The following TTC28 variants were observed in gnomAD, a reference collection of about 807,000 sequenced individuals.
The protein encoded by TTC28 is tetratricopeptide repeat protein 28.
Under a neutral mutation model 198.0 loss-of-function variants are expected in TTC28, and 61 were observed. That is an observed-to-expected ratio of 0.31 (90% CI 0.25 to 0.38). The LOEUF (loss-of-function observed/expected upper bound fraction) is 0.38, where lower values mean the gene tolerates loss of function less well. TTC28 is among the 10% of genes least tolerant of loss of function. The probability of loss-of-function intolerance (pLI) is 1.00; values close to 1 mark genes in which losing one functional copy is unlikely to be tolerated. For synonymous variants in TTC28, 1,171 were observed against 1,297.8 expected (o/e 0.90, Z 2.10); for missense variants, 2,678 against 3,164.0 (o/e 0.85, Z 3.69).
At chr22:28,618,332 G>A (rs2146175447) in intron 2 of TTC28, among the ~76,000 whole-genome samples, 1 of 152,112 alleles carries the variant, frequency 6.6e-6, no homozygotes, top group Middle Eastern at 3.4e-3. Context: ...GTTTTGGAGT[G>A]ATTTTTTATA....
chr22:28,264,274 T>C (rs1931532142), intron 5 of TTC28, among the ~76,000 whole-genome samples: 1 of 152,152 alleles, frequency 6.6e-6, no homozygotes, highest in Non-Finnish European at 1.5e-5. Flanking sequence ...CCTGCTGCCA[T>C]GTAAGACATG....
chr22:28,297,178 G>A (rs1440741400), intron 4 of TTC28, among the ~76,000 whole-genome samples: 2 of 152,106 alleles, frequency 1.3e-5, no homozygotes, highest in African/African-American at 2.4e-5. Context: ...CTAAAACAGA[G>A]AATGTTCTAG....
At chr22:28,673,318 G>A (rs564330056) in intron 1 of TTC28, among the ~76,000 whole-genome samples, 4 of 152,118 alleles carry the variant, frequency 2.6e-5, no homozygotes, top group Non-Finnish European at 5.9e-5. Flanking sequence ...AGCTTGCAGT[G>A]AGCAGAGATC....
chr22:28,565,104 C>T (rs772617978), intron 2 of TTC28, among the ~76,000 whole-genome samples: 10 of 151,748 alleles, frequency 6.6e-5, no homozygotes, highest in Non-Finnish European at 1.2e-4. Flanking sequence ...CATTCACATA[C>T]AGTACAGTTC....
intron 2 of TTC28, among the ~76,000 whole-genome samples, chr22:28,575,396 G>A (rs952866065): frequency 6.6e-6 from 1 of 151,836 alleles, no homozygotes; most frequent in Admixed American, 6.6e-5. Context: ...TTGTTTTTAG[G>A]CCAGTACCAT....
At chr22:28,098,806 C>A (rs1422342639) in intron 10 of TTC28, 109 bp downstream of exon 10, 1 of 1,379,276 alleles carries the variant, frequency 7.3e-7, no homozygotes, top group Non-Finnish European at 9.7e-7. Context: ...TCTGTTGTCA[C>A]AACAAATCAT....
chr22:28,364,775 A>G, intron 2 of TTC28, among the ~76,000 whole-genome samples: 1 of 152,244 alleles, frequency 6.6e-6, no homozygotes, highest in South Asian at 2.1e-4. Context: ...AATTGCTGCA[A>G]TCTCATGATA....
intron 5 of TTC28, among the ~76,000 whole-genome samples, chr22:28,255,082 C>T (rs1173227732): frequency 3.9e-5 from 6 of 152,070 alleles, no homozygotes; most frequent in African/African-American, 1.4e-4. Context: ...GGTGAAACCC[C>T]TGAGTTTCTT....
At chr22:28,140,139 T>C (rs1175958794) in intron 6 of TTC28, among the ~76,000 whole-genome samples, 3 of 152,184 alleles carry the variant, frequency 2.0e-5, no homozygotes, top group Non-Finnish European at 4.4e-5. Context: ...TGCAGGGTTG[T>C]TGTGAGGACA....
chr22:28,015,835 C>T (rs951671790), intron 13 of TTC28, among the ~76,000 whole-genome samples: 4 of 151,874 alleles, frequency 2.6e-5, no homozygotes, highest in Non-Finnish European at 5.9e-5. Context: ...AGATACACTG[C>T]TGAGGTTCAG....
At chr22:28,469,032 C>T (rs1007457041) in intron 2 of TTC28, among the ~76,000 whole-genome samples, 1 of 152,184 alleles carries the variant, frequency 6.6e-6, no homozygotes, top group Non-Finnish European at 1.5e-5. Context: ...ACGTTAATTA[C>T]TCATCCTTTC....
In TTC28 at chr22:28,228,411, CA is replaced by C. The variant is rs1280893264; in HGVS notation, c.934-64813del. Among the ~76,000 whole-genome samples the C allele has an allele frequency of 2.6e-5, 4 of 152,192 alleles. No individual in the cohort carries two copies. The East Asian group carries it at 7.7e-4, about 29-fold the overall frequency. ...ACAATAAAAATAAATTTTAAAAATA[CA>C]TGTTTGGCCAGGTGCGGTAGCTCAT... On this transcript the variant is annotated intron_variant, in intron 5 of 22. Transcript: ENST00000397906.
At chr22:28,380,697 A>G (rs572090863) in intron 2 of TTC28, among the ~76,000 whole-genome samples, 1 of 152,330 alleles carries the variant, frequency 6.6e-6, no homozygotes, top group African/African-American at 2.4e-5. Flanking sequence ...TTTATGGAAC[A>G]AAAAGCATGA....
chr22:28,146,800 A>C (rs1943479908), intron 6 of TTC28, among the ~76,000 whole-genome samples: 1 of 151,742 alleles, frequency 6.6e-6, no homozygotes, highest in Admixed American at 6.6e-5. Flanking sequence ...AAGAACACAA[A>C]TCCATTACTT....
chr22:28,385,300 T>C (rs2046561895), intron 2 of TTC28, among the ~76,000 whole-genome samples: 1 of 150,558 alleles, frequency 6.6e-6, no homozygotes, highest in African/African-American at 2.4e-5. Flanking sequence ...TGGCGCAATC[T>C]TGGCTCACTG....
At chr22:28,067,446 G>A (rs1569117780) in intron 12 of TTC28, among the ~76,000 whole-genome samples, 1 of 152,096 alleles carries the variant, frequency 6.6e-6, no homozygotes, top group African/African-American at 2.4e-5. Flanking sequence ...ATGAAATACT[G>A]AAAATCCCAA....
chr22:28,509,501 T>C (rs760161230), intron 2 of TTC28, among the ~76,000 whole-genome samples: 3 of 152,116 alleles, frequency 2.0e-5, no homozygotes, highest in Non-Finnish European at 4.4e-5. Context: ...AAAGAGACAA[T>C]GTACCAGAAT....
chr22:28,477,226 C>T (rs2048179911), intron 2 of TTC28, among the ~76,000 whole-genome samples: 1 of 152,164 alleles, frequency 6.6e-6, no homozygotes, highest in African/African-American at 2.4e-5. Flanking sequence ...CAAAACTCAT[C>T]TGTGTATTTT....
intron 5 of TTC28, among the ~76,000 whole-genome samples, chr22:28,225,676 T>G (rs1216600304): frequency 2.0e-5 from 3 of 152,208 alleles, no homozygotes; most frequent in African/African-American, 7.2e-5. Context: ...ACTTGTAAGC[T>G]CTGACATATG....
Sources: allele counts gnomAD v4.1 joint callset (sites outside exome capture counted in the v4.1 genomes callset), GRCh38; gene constraint gnomAD v4.1.1; transcripts MANE v1.5; gene names NCBI Gene and HGNC (gene_info 2026-07-23, HGNC 2026-07-21).